FAM186A: variants seen among roughly 807,000 people sequenced by gnomAD.
FAM186A encodes the protein protein FAM186A.
FAM186A carries 163 observed loss-of-function variants against 216.8 expected under a neutral mutation model. The observed-to-expected ratio is 0.75, with a 90% CI of 0.66 to 0.86. The LOEUF is 0.86. Among genes scored for constraint, FAM186A ranks in the 40% least tolerant of loss-of-function variants. FAM186A has a pLI of 0.00. For missense variants in FAM186A, 2,184 were observed against 2,746.2 expected (o/e 0.80, Z 4.58); for synonymous variants, 805 against 1,025.3 (o/e 0.79, Z 4.10).
chr12:50,330,737 C>T lies in FAM186A; in HGVS notation c.6870G>A (p.Glu2290=), dbSNP rs982842414. 3.3e-6 allele frequency: 5 copies of T among 1,531,792 alleles called. No individual in the cohort carries two copies. Among genetic ancestry groups the T allele is most frequent in the Non-Finnish European group, 3.5e-6 (4 of 1,140,688 alleles). The allele number at this position is 1,531,792 out of a possible 1,614,324, so 94.9% of individuals were successfully genotyped here. A position where few individuals can be genotyped will look rare whatever the true frequency, so the allele number is the denominator to read the frequency against. ...TGGACAGATCAACATTCCAGATGGCCTCTGTCTGGTCCTCTTGTTGCCTAC... is the reference window on the plus strand; with the variant it reads ...TGGACAGATCAACATTCCAGATGGCTTCTGTCTGGTCCTCTTGTTGCCTAC... The part of the protein sequence containing the change: ...KKFRQQEDQT[E]AIWNVDLSTS... Residue 2290 remains glutamate (E), a synonymous_variant, in exon 7 of 8, where the codon GAG becomes GAA. Coordinates refer to ENST00000327337, the MANE Select transcript of FAM186A (RefSeq NM_001145475.3).
At chr12:50,333,170 C>A (rs1274638730) in intron 5 of FAM186A, among the ~76,000 whole-genome samples, 1 of 152,130 alleles carries the variant, frequency 6.6e-6, no homozygotes, top group African/African-American at 2.4e-5. Flanking sequence ...ATAAATTAAT[C>A]GATTTTAAGG....
In FAM186A at chr12:50,354,700, A is replaced by G; in HGVS notation, c.2132T>C (p.Leu711Ser). 2 of 1,549,058 alleles carry G rather than the reference A, an allele frequency of 1.3e-6. No individual in the cohort carries two copies. The highest frequency in any genetic ancestry group is 1.7e-6 in the Non-Finnish European group (2 of 1,146,588). Residue 711 changes from leucine to serine, a missense_variant, in exon 4 of 8, where the codon TTA (leucine) becomes TCA (serine). Leu to Ser is a moderately radical substitution (Grantham distance 145). Around this residue, in one of 7 missense-constraint regions of FAM186A, gnomAD observed 1,132 missense variants for 1,263.4 expected, o/e 0.90. Transcript: ENST00000327337. ...CTCCATTTTTGCCTTTATGATTCCT[A>G]ATTTTTCAGCTTCTGCTCTTTTTAA... ...ELLKRAEAEK[L>S]GIIKAKMEEY...
chr12:50,358,691 G>A (rs1293735410), intron 3 of FAM186A, among the ~76,000 whole-genome samples: 4 of 152,034 alleles, frequency 2.6e-5, no homozygotes, highest in African/African-American at 9.7e-5. Flanking sequence ...TTGGGAGGCC[G>A]AGGAGGGTGG....
Position 50,354,777 on chromosome 12 carries a change from A to G in FAM186A, c.2055T>C (p.Asp685=). The change falls in exon 4 of 8, where the codon GAT becomes GAC. Residue 685 remains aspartate, a synonymous_variant. Transcript: ENST00000327337. ...TTTTGTCAAAAGCCTTTCCTATGTT[A>G]TCAATTTTCTGTTTTAGGAAAGCCA... ...AIMAFLKQKI[D]NIGKAFDKKT... is the part of the protein sequence containing the mutation. 6.5e-7 allele frequency: 1 copy of G among 1,535,054 alleles called. No homozygotes were observed. The highest frequency in any genetic ancestry group is 1.4e-5 in the African/African-American group (1 of 72,034).
chr12:50,350,611 T>C lies in FAM186A; in HGVS notation c.6221A>G (p.Asp2074Gly). Reference protein sequence around the residue: ...WYQKSRFPPIDKPWILSSVSD... With the variant: ...WYQKSRFPPIGKPWILSSVSD... ...AACTGAACTCAGTATCCAGGGCTTG[T>C]CTATAGGAGGGAATCGGGATTTCTG... Residue 2074 changes from aspartate (D) to glycine (G), a missense_variant, in exon 4 of 8, where the codon GAC (aspartate) becomes GGC (glycine). Around this residue, in one of 7 missense-constraint regions of FAM186A, gnomAD observed 721 missense variants for 816.4 expected, o/e 0.88. Transcript: ENST00000327337. 1 of 1,551,616 alleles carries C rather than the reference T, an allele frequency of 6.4e-7. No individual in the cohort carries two copies. The highest frequency in any genetic ancestry group is 8.7e-7 in the Non-Finnish European group (1 of 1,146,970).
rs1207256995 is a variant in FAM186A, at chr12:50,396,512, TTTC to T, written c.-31_-29del. The T allele has an allele frequency of 4.6e-6, 7 of 1,523,644 alleles. No homozygotes were observed. The South Asian group carries it at 5.0e-5, about 11-fold the overall frequency. The allele number at this position is 1,523,644 out of a possible 1,614,324, so 94.4% of individuals were successfully genotyped here. ...TGAAAATGTGGGTGATTTCGTTTTATTTCTTCTTTTTCACAGAATCTACAAAAA... is the reference window on the plus strand; with the variant it reads ...TGAAAATGTGGGTGATTTCGTTTTATTTCTTTTTCACAGAATCTACAAAAA... On this transcript the variant is annotated 5_prime_UTR_variant, in exon 1 of 8. Coordinates refer to ENST00000327337, the MANE Select transcript of FAM186A (RefSeq NM_001145475.3).
chr12:50,372,284 A>T (rs981016761), intron 1 of FAM186A, among the ~76,000 whole-genome samples: 2 of 152,064 alleles, frequency 1.3e-5, no homozygotes, highest in Non-Finnish European at 2.9e-5. Flanking sequence ...CACAACTAAT[A>T]CATAGTATGG....
chr12:50,337,197 A>T (rs1942716934), intron 4 of FAM186A, among the ~76,000 whole-genome samples: 2 of 146,520 alleles, frequency 1.4e-5, no homozygotes, highest in African/African-American at 5.1e-5. Flanking sequence ...TTTCCTTATC[A>T]TTTTTTCTTA....
chr12:50,353,598 C>G lies in FAM186A; in HGVS notation c.3234G>C (p.Gln1078His). The G allele has an allele frequency of 6.5e-7, 1 of 1,528,202 alleles. No individual in the cohort carries two copies. The highest frequency in any genetic ancestry group is 8.8e-7 in the Non-Finnish European group (1 of 1,137,182). The allele number at this position is 1,528,202 out of a possible 1,614,324, so 94.7% of individuals were successfully genotyped here. A position where few individuals can be genotyped will look rare whatever the true frequency, so the allele number is the denominator to read the frequency against. ...PLTKCIHLTP[Q>H]QAQEVGITLT... ...GTGTGATCCCCACTTCCTGGGCCTG[C>G]TGAGGTGTGAGATGAATGCATTTAG... The change falls in exon 4 of 8, where the codon CAG (glutamine) becomes CAC (histidine). Residue 1078 changes from glutamine (Q) to histidine (H), a missense_variant. By Grantham distance (24) the Gln-to-His change is conservative. This residue lies in a region of FAM186A where 1,132 missense variants were observed against 1,263.4 expected (regional missense o/e 0.90). Coordinates refer to ENST00000327337, the MANE Select transcript of FAM186A (RefSeq NM_001145475.3).
Position 50,334,043 on chromosome 12 carries a change from C to T in FAM186A, c.6564G>A (p.Arg2188=). 1 of 1,551,564 alleles carries T rather than the reference C, an allele frequency of 6.4e-7. No individual in the cohort carries two copies. Among genetic ancestry groups the T allele is most frequent in the Admixed American group, 2.0e-5 (1 of 50,964 alleles). Residue 2188 remains arginine (R), a synonymous_variant, in exon 5 of 8, where the codon AGG becomes AGA. Transcript: ENST00000327337. ...IQNTGKGYEA[R]NLHMMLSRLD... ...GTCTGCTCAGCATCATGTGGAGGTT[C>T]CTGGCCTCATAGCCTTTCCCAGTAT...
chr12:50,365,291 T>C (rs971147796), intron 1 of FAM186A, among the ~76,000 whole-genome samples: 4 of 152,184 alleles, frequency 2.6e-5, no homozygotes, highest in Non-Finnish European at 4.4e-5. Context: ...ATTTTAATTT[T>C]ATGTATCAAT....
At position 50,355,315 on chromosome 12, in the gene FAM186A, ATTTCT is replaced by A. The variant is rs766155800; in HGVS notation, c.1512_1516del (p.Lys504AsnfsTer6). On this transcript the variant is annotated frameshift_variant, in exon 4 of 8. Coordinates refer to ENST00000327337, the MANE Select transcript of FAM186A (RefSeq NM_001145475.3). LOFTEE classifies it high-confidence loss of function. ...TGATTTATCTTCAGAAAAGGATTTC[ATTTCT>A]TTTCTTTTCTTTTTCAGTACTTGTA... is the stretch of plus-strand genomic sequence containing the variant. The A allele has an allele frequency of 7.5e-5, 117 of 1,550,048 alleles. No homozygotes were observed. Among genetic ancestry groups the A allele is most frequent in the Non-Finnish European group, 1.0e-4 (115 of 1,146,722 alleles).
At chr12:50,329,980 C>T (rs569391943) in intron 7 of FAM186A, among the ~76,000 whole-genome samples, 10 of 152,168 alleles carry the variant, frequency 6.6e-5, no homozygotes, top group African/African-American at 2.4e-4. Context: ...AACAAAAGTT[C>T]GATTTTCTAA....
At chr12:50,378,705 G>A (rs912622997) in intron 1 of FAM186A, among the ~76,000 whole-genome samples, 42 of 149,350 alleles carry the variant, frequency 2.8e-4, no homozygotes, top group African/African-American at 1.0e-3. Flanking sequence ...GAAAAGTCAA[G>A]CCACAATCTG....
chr12:50,383,377 A>G (rs1047829197), intron 1 of FAM186A, among the ~76,000 whole-genome samples: 5 of 149,700 alleles, frequency 3.3e-5, no homozygotes, highest in South Asian at 4.4e-4. Flanking sequence ...CACGTGGATC[A>G]TGAAGTCAGG....
chr12:50,368,965 T>TAAAAAA (rs754206682), intron 1 of FAM186A, among the ~76,000 whole-genome samples: 1 of 135,206 alleles, frequency 7.4e-6, no homozygotes, highest in African/African-American at 2.8e-5. Flanking sequence ...GACAGTCTTT[T>TAAAAAA]AAAAAAAAAA....
At chr12:50,347,601 C>A (rs1300941369) in intron 4 of FAM186A, among the ~76,000 whole-genome samples, 1 of 151,192 alleles carries the variant, frequency 6.6e-6, no homozygotes, top group Non-Finnish European at 1.5e-5. Context: ...CATGGTGGCA[C>A]ACACCTCCAG....
In FAM186A at chr12:50,360,801, T is replaced by C; in HGVS notation, c.538A>G (p.Ser180Gly). 1 of 1,546,982 alleles carries C rather than the reference T, an allele frequency of 6.5e-7. No homozygotes were observed. The highest frequency in any genetic ancestry group is 8.7e-7 in the Non-Finnish European group (1 of 1,145,600). ...ENNVKILSRF[S>G]TSFLDEKKKQ... is the part of the protein sequence containing the mutation. ...TTCTTTTCGTCGAGGAAAGATGTAC[T>C]AAATCTGCTTAGTATCTTGACATTG... is the stretch of plus-strand genomic sequence containing the variant. The change falls in exon 3 of 8, where the codon AGT (serine) becomes GGT (glycine). Residue 180 changes from serine (S) to glycine (G), a missense_variant. Physicochemically the swap from Ser to Gly is moderately conservative, Grantham distance 56. Transcript: ENST00000327337.
At chr12:50,374,957 C>A in intron 1 of FAM186A, among the ~76,000 whole-genome samples, 1 of 152,154 alleles carries the variant, frequency 6.6e-6, no homozygotes, top group East Asian at 1.9e-4. Context: ...GCTGGCAGGT[C>A]ACTTGAGTAC....
Sources: allele counts gnomAD v4.1 joint callset (sites outside exome capture counted in the v4.1 genomes callset), GRCh38; gene constraint gnomAD v4.1.1; regional missense constraint gnomAD v4.1.1; transcripts MANE v1.5; gene names NCBI Gene and HGNC (gene_info 2026-07-23, HGNC 2026-07-21).